Variants in EPHA6 observed in about 807,000 individuals in gnomAD.
The protein encoded by EPHA6 is EPH receptor A6.
EPHA6 carries 50 observed loss-of-function variants against 112.0 expected under a neutral mutation model. That is an observed-to-expected ratio of 0.45 (90% CI 0.36 to 0.56). EPHA6 has a LOEUF of 0.56. Ranked by LOEUF, EPHA6 falls within the 20% of genes least tolerant of loss-of-function variation. The probability of loss-of-function intolerance (pLI) is 0.00; values close to 1 mark genes in which losing one functional copy is unlikely to be tolerated. For missense variants in EPHA6, 1,280 were observed against 1,417.4 expected (o/e 0.90, Z 1.56); for synonymous variants, 529 against 490.7 (o/e 1.08, Z -1.03).
intron 3 of EPHA6, among the ~76,000 whole-genome samples, chr3:97,113,624 G>T (rs1238350282): frequency 1.3e-5 from 2 of 152,078 alleles, no homozygotes; most frequent in African/African-American, 2.4e-5. Flanking sequence ...AGGGAGAACT[G>T]GGTGGCATAC....
Position 97,126,238 on chromosome 3 carries a change from C to G in EPHA6, c.1115-100026C>G, listed in dbSNP as rs530313848. Among the ~76,000 whole-genome samples the G allele has an allele frequency of 3.3e-5, 5 of 152,200 alleles. No individual in the cohort carries two copies. In the East Asian group the frequency reaches 9.7e-4, roughly 29 times the overall value. On this transcript the variant is annotated intron_variant, in intron 3 of 17. Transcript: ENST00000389672. The stretch of plus-strand genomic sequence containing the variant: ...CTGGCCATATTAACAAGTTGTTACC[C>G]CCACCTGATTCTAATGGCCAGGGGA...
intron 14 of EPHA6, among the ~76,000 whole-genome samples, chr3:97,647,995 AT>A (rs1336729860): frequency 1.3e-5 from 2 of 152,192 alleles, no homozygotes; most frequent in Non-Finnish European, 2.9e-5. Flanking sequence ...AAATGTTCAG[AT>A]TTTTAAAAAA....
chr3:97,189,083 C>T (rs1319214911), intron 3 of EPHA6, among the ~76,000 whole-genome samples: 1 of 151,892 alleles, frequency 6.6e-6, no homozygotes, highest in East Asian at 1.9e-4. Flanking sequence ...GACATTATTA[C>T]ATTTCATTTT....
intron 12 of EPHA6, among the ~76,000 whole-genome samples, chr3:97,596,112 A>G (rs1424892244): frequency 2.0e-5 from 3 of 151,374 alleles, no homozygotes; most frequent in Non-Finnish European, 3.0e-5. Flanking sequence ...TCACTGTGTT[A>G]GCCAGGATGG....
At chr3:96,853,069 A>G (rs1213060294) in intron 1 of EPHA6, among the ~76,000 whole-genome samples, 1 of 152,124 alleles carries the variant, frequency 6.6e-6, no homozygotes, top group Non-Finnish European at 1.5e-5. Flanking sequence ...GCCAGCAGTA[A>G]TGTGCAGTCT....
At chr3:97,655,498 G>A (rs960715784) in intron 14 of EPHA6, among the ~76,000 whole-genome samples, 4 of 151,882 alleles carry the variant, frequency 2.6e-5, no homozygotes, top group Non-Finnish European at 4.4e-5. Context: ...TGGTGTATAT[G>A]TGCCACATTT....
intron 2 of EPHA6, among the ~76,000 whole-genome samples, chr3:96,946,344 G>T (rs1388129754): frequency 2.0e-5 from 3 of 150,820 alleles, no homozygotes; most frequent in Non-Finnish European, 4.4e-5. Flanking sequence ...CCCACGACAG[G>T]CCCCGGTGTG....
At chr3:97,010,642 TA>T (rs1031739196) in intron 3 of EPHA6, among the ~76,000 whole-genome samples, 10 of 152,140 alleles carry the variant, frequency 6.6e-5, no homozygotes, top group African/African-American at 2.4e-4. Context: ...TTATCTTATT[TA>T]AAAAAATTAT....
chr3:97,696,999 C>G (rs115269237), intron 14 of EPHA6, among the ~76,000 whole-genome samples: 2 of 152,284 alleles, frequency 1.3e-5, no homozygotes, highest in African/African-American at 4.8e-5. Flanking sequence ...ATCATTAGAA[C>G]AGGTATTAAT....
At chr3:97,083,659 A>G (rs151097048) in intron 3 of EPHA6, among the ~76,000 whole-genome samples, 1,988 of 152,004 alleles carry the variant, frequency 0.013, 48 homozygotes, top group African/African-American at 0.045. Flanking sequence ...TGTATTCAGT[A>G]TTACCTACAA....
chr3:97,107,754 A>G (rs541383171), intron 3 of EPHA6, among the ~76,000 whole-genome samples: 1 of 152,254 alleles, frequency 6.6e-6, no homozygotes, highest in South Asian at 2.1e-4. Flanking sequence ...AGGGAGGCTG[A>G]ATTTCTAGAG....
intron 3 of EPHA6, among the ~76,000 whole-genome samples, chr3:97,014,887 T>TAA (rs1559669761): frequency 6.6e-6 from 1 of 152,172 alleles, no homozygotes; most frequent in African/African-American, 2.4e-5. Flanking sequence ...AAAAATGTCT[T>TAA]AAATTTGCTG....
intron 3 of EPHA6, among the ~76,000 whole-genome samples, chr3:97,032,498 C>T (rs769440204): frequency 9.9e-5 from 15 of 151,894 alleles, no homozygotes; most frequent in South Asian, 4.2e-4. Context: ...ATTTTGCTTG[C>T]GAGCTAGATC....
At chr3:97,220,730 A>G (rs1340895180) in intron 3 of EPHA6, among the ~76,000 whole-genome samples, 1 of 152,222 alleles carries the variant, frequency 6.6e-6, no homozygotes, top group African/African-American at 2.4e-5. Flanking sequence ...TATGAGGATT[A>G]TAATTCAAGA....
chr3:97,372,836 G>T (rs1308622262), intron 5 of EPHA6, among the ~76,000 whole-genome samples: 1 of 152,052 alleles, frequency 6.6e-6, no homozygotes, highest in Non-Finnish European at 1.5e-5. Flanking sequence ...AAACGTAGCT[G>T]GACTCCAGGT....
intron 11 of EPHA6, among the ~76,000 whole-genome samples, chr3:97,586,638 TTAGA>T (rs546547201): frequency 1.6e-4 from 25 of 151,676 alleles, no homozygotes; most frequent in Non-Finnish European, 2.5e-4. Flanking sequence ...ATAAATGAAA[TTAGA>T]TAGGAGACAG....
intron 5 of EPHA6, among the ~76,000 whole-genome samples, chr3:97,281,843 A>T (rs1448961857): frequency 6.6e-6 from 1 of 152,196 alleles, no homozygotes; most frequent in East Asian, 1.9e-4. Flanking sequence ...GTCAGGGCCT[A>T]TAACTTTAAA....
At chr3:97,000,619 A>G (rs2043618698) in intron 3 of EPHA6, among the ~76,000 whole-genome samples, 1 of 151,704 alleles carries the variant, frequency 6.6e-6, no homozygotes, top group Non-Finnish European at 1.5e-5. Context: ...GCATATATGT[A>G]TCCAAGAAAG....
chr3:97,032,388 T>C (rs2044894398), intron 3 of EPHA6, among the ~76,000 whole-genome samples: 1 of 152,064 alleles, frequency 6.6e-6, no homozygotes, highest in Admixed American at 6.6e-5. Context: ...ACATGGCACA[T>C]GTGTACCTAT....
Sources: allele counts gnomAD v4.1 joint callset (sites outside exome capture counted in the v4.1 genomes callset), GRCh38; gene constraint gnomAD v4.1.1; transcripts MANE v1.5; gene names NCBI Gene and HGNC (gene_info 2026-07-23, HGNC 2026-07-21).